SGSM2: variants seen among roughly 807,000 people sequenced by gnomAD.
The protein encoded by SGSM2 is RUN and TBC1 domain containing 1.
A neutral mutation model predicts 126.6 loss-of-function variants in SGSM2; 89 were observed. That is an observed-to-expected ratio of 0.70 (90% confidence interval 0.59 to 0.84). SGSM2 has a LOEUF of 0.84. SGSM2 is among the 40% of genes least tolerant of loss of function. The pLI is 0.00. For synonymous variants in SGSM2, 614 were observed against 574.3 expected (o/e 1.07, Z -0.99); for missense variants, 1,404 against 1,416.6 (o/e 0.99, Z 0.14).
chr17:2,339,421 C>T (rs2064247374), intron 1 of SGSM2, among the ~76,000 whole-genome samples: 1 of 151,800 alleles, frequency 6.6e-6, no homozygotes, highest in African/African-American at 2.4e-5. Context: ...GGCGACAGAG[C>T]AACTCTCCGT....
rs1036967350 is a variant in SGSM2, at chr17:2,371,511, G to C, written c.1577+96G>C. Reference sequence around the variant, plus strand: ...AAGGCCGTGTCACCTGCACGACAGGGTGGCCTCTAGAGTGGGACAGATCTG... The same window carrying C: ...AAGGCCGTGTCACCTGCACGACAGGCTGGCCTCTAGAGTGGGACAGATCTG... On this transcript the variant is annotated intron_variant, in intron 13 of 23. Coordinates refer to ENST00000268989, the MANE Select transcript of SGSM2 (RefSeq NM_014853.3). 2.8e-5 allele frequency: 40 copies of C among 1,435,472 alleles called. No individual in the cohort carries two copies. The African/African-American group carries it at 4.6e-4, about 17-fold the overall frequency. 88.9% of individuals were successfully genotyped at this position (1,435,472 alleles called of 1,614,324 possible).
Position 2,361,744 on chromosome 17 carries a change from G to T in SGSM2, c.241G>T (p.Val81Leu). The part of the protein sequence containing the change: ...LFTKVGKTCP[V>L]AGEICHKVQE... ...CACCAAGGTGGGGAAGACGTGCCCAGTGGCGGGGGAGATTTGCCACAAGGT... is the reference window on the plus strand; with the variant it reads ...CACCAAGGTGGGGAAGACGTGCCCATTGGCGGGGGAGATTTGCCACAAGGT... Residue 81 changes from valine to leucine, a missense_variant, in exon 3 of 24, where the codon GTG becomes TTG. Transcript: ENST00000268989. 6.2e-7 allele frequency: 1 copy of T among 1,613,516 alleles called. No homozygotes were observed. The highest frequency in any genetic ancestry group is 8.5e-7 in the Non-Finnish European group (1 of 1,179,980).
Position 2,367,597 on chromosome 17 carries a change from G to A in SGSM2, c.1423+192G>A, listed in dbSNP as rs2065656564. The stretch of plus-strand genomic sequence containing the variant: ...ACAGGTGCTGGCAAGAAAAGGGGCT[G>A]GCCCAGGGCAGGTGGCTCCAGGCTG... On this transcript the variant is annotated intron_variant, in intron 12 of 23. Transcript: ENST00000268989. The surrounding 1 kb of genome is among the most constrained non-coding windows in gnomAD (Gnocchi z 4.0). Among the ~76,000 whole-genome samples the A allele has an allele frequency of 6.6e-6, 1 of 152,226 alleles. No homozygotes were observed. Among genetic ancestry groups the A allele is most frequent in the South Asian group, 2.1e-4 (1 of 4,830 alleles).
At chr17:2,371,198 G>A in intron 12 of SGSM2, 64 bp from the exon 13 acceptor site, 1 of 1,521,108 alleles carries the variant, frequency 6.6e-7, no homozygotes, top group Non-Finnish European at 8.8e-7. Flanking sequence ...AGGTGGGCAT[G>A]GTGCAGGGTG....
At chr17:2,375,940 G>C in intron 18 of SGSM2, 65 bp downstream of exon 18, 1 of 1,511,718 alleles carries the variant, frequency 6.6e-7, no homozygotes, top group Non-Finnish European at 8.8e-7. Flanking sequence ...CCCAGAGCTG[G>C]GGAAGCGCTG....
At chr17:2,342,387 TCACTC>T (rs900915293) in intron 1 of SGSM2, among the ~76,000 whole-genome samples, 1 of 151,502 alleles carries the variant, frequency 6.6e-6, no homozygotes, top group African/African-American at 2.4e-5. Flanking sequence ...ACGCGCCACT[TCACTC>T]CAGCCTGGGC....
At position 2,357,044 on chromosome 17, in the gene SGSM2, A is replaced by G. The variant is rs925057633; in HGVS notation, c.134-4593A>G. Reference sequence around the variant, plus strand: ...AGGGTTGGGGTGCCCATAGGATTCCATCAGCATCTGTGGTCTCCAGCCGTG... The same window carrying G: ...AGGGTTGGGGTGCCCATAGGATTCCGTCAGCATCTGTGGTCTCCAGCCGTG... On this transcript the variant is annotated intron_variant, in intron 2 of 23. Transcript: ENST00000268989. Among the ~76,000 whole-genome samples the G allele has an allele frequency of 5.9e-4, 90 of 152,074 alleles. 2 individuals are homozygous for G. The highest frequency in any genetic ancestry group is 1.5e-5 in the Non-Finnish European group (1 of 67,974).
At chr17:2,371,182 GCA>G in intron 12 of SGSM2, 78 bp from the exon 13 acceptor site, 2 of 1,449,354 alleles carry the variant, frequency 1.4e-6, no homozygotes. Context: ...GCAGCTCTGG[GCA>G]CAGAGGTGGG....
In SGSM2 at chr17:2,379,161, GACA is replaced by G. The variant is rs765955549; in HGVS notation, c.3032_3034del (p.Asn1011del). The G allele has an allele frequency of 9.9e-6, 16 of 1,614,034 alleles. No individual in the cohort carries two copies. The highest frequency in any genetic ancestry group is 6.6e-5 in the South Asian group (6 of 91,084). On this transcript the variant is annotated inframe_deletion, in exon 23 of 24. Transcript: ENST00000268989. ...GGAGGCCTACCGAGAGATCATCCGT[GACA>G]ACAACATGGACTTCACTGACATCAT...
In SGSM2 at chr17:2,356,984, G is replaced by C. The variant is rs944413291; in HGVS notation, c.134-4653G>C. On this transcript the variant is annotated intron_variant, in intron 2 of 23. Coordinates refer to ENST00000268989, the MANE Select transcript of SGSM2 (RefSeq NM_014853.3). Reference sequence around the variant, plus strand: ...ATTGGGGTGTAAGGGTTAGGGAAGGGACCCCATATCTTAGAATGGTGGAAT... The same window carrying C: ...ATTGGGGTGTAAGGGTTAGGGAAGGCACCCCATATCTTAGAATGGTGGAAT... Among the ~76,000 whole-genome samples the C allele has an allele frequency of 2.2e-4, 34 of 151,746 alleles. 2 individuals carry two copies. The highest frequency in any genetic ancestry group is 7.5e-4 in the African/African-American group (31 of 41,340).
In SGSM2 at chr17:2,375,850, C is replaced by G. The variant is rs61744995; in HGVS notation, c.2459C>G (p.Ala820Gly). 2 of 1,528,950 alleles carry G rather than the reference C, an allele frequency of 1.3e-6. No homozygotes were observed. The highest frequency in any genetic ancestry group is 2.3e-5 in the East Asian group (1 of 44,260). The allele number at this position is 1,528,950 out of a possible 1,614,324, so 94.7% of individuals were successfully genotyped here. The part of the protein sequence containing the change: ...AGELEAGEEL[A>G]AVCAAAYTIE... ...GAACTGGAGGCCGGAGAGGAGCTTG[C>G]GGCTGTGTGTGCGGCTGCCTACACT... The change falls in exon 18 of 24, where the codon GCG (alanine) becomes GGG (glycine). Residue 820 changes from alanine to glycine, a missense_variant. Transcript: ENST00000268989.
rs369455251 is a variant in SGSM2, at chr17:2,352,934, C to CTGT, written c.134-8703_134-8702insTGT. Among the ~76,000 whole-genome samples the CTGT allele has an allele frequency of 2.1e-3, 251 of 120,056 alleles. 2 individuals carry two copies. The highest frequency in any genetic ancestry group is 8.1e-3 in the African/African-American group (239 of 29,356). The allele number at this position is 120,056 out of a possible 152,430, so 78.8% of individuals were successfully genotyped here. A position where few individuals can be genotyped will look rare whatever the true frequency, so the allele number is the denominator to read the frequency against. ...CTGGGACTACAGGCGTCCGCCACCA[C>CTGT]GCCCGGCTAATTTTTTGTATTTTTA... On this transcript the variant is annotated intron_variant, in intron 2 of 23. Transcript: ENST00000268989.
At position 2,379,562 on chromosome 17, in the gene SGSM2, G is replaced by A. The variant is rs771059834; in HGVS notation, c.*42G>A. The A allele has an allele frequency of 8.8e-6, 14 of 1,591,272 alleles. No individual in the cohort carries two copies. In the African/African-American group the frequency reaches 1.1e-4, roughly 12 times the overall value. ...AGCAGCCGTGCAGAGCCTGGGCTCC[G>A]GCAGGGAGAGGTGCAGGGGAGTCAC... is the stretch of plus-strand genomic sequence containing the variant. On this transcript the variant is annotated 3_prime_UTR_variant, in exon 24 of 24. Transcript: ENST00000268989.
Position 2,362,822 on chromosome 17 carries a change from G to C in SGSM2, c.459-16G>C, listed in dbSNP as rs182968354. The C allele has an allele frequency of 4.6e-4, 736 of 1,613,730 alleles. 9 individuals are homozygous for C. The African/African-American group carries it at 9.0e-3, about 20-fold the overall frequency. On this transcript the variant is annotated splice_polypyrimidine_tract_variant and intron_variant, in intron 4 of 23. Coordinates refer to ENST00000268989, the MANE Select transcript of SGSM2 (RefSeq NM_014853.3). This position sits in a 1 kb window ranked among gnomAD's most constrained non-coding sequence, Gnocchi z 4.9. ...GCCCCGGAGCCTCGGCAGTCACACT[G>C]TCTGTCTCCTGGCAGCAAGTACTAC... is the stretch of plus-strand genomic sequence containing the variant.
In SGSM2 at chr17:2,379,920, G is replaced by A. The variant is rs1487486620; in HGVS notation, c.*400G>A. On this transcript the variant is annotated 3_prime_UTR_variant, in exon 24 of 24. Transcript: ENST00000268989. The stretch of plus-strand genomic sequence containing the variant: ...CTACTCAGCTGGGGTGGCAGAGGGC[G>A]AGAGGCTCTGTGCTGTGTCCCTTCT... The A allele has an allele frequency of 1.4e-5, 18 of 1,303,564 alleles. No individual in the cohort carries two copies. Among genetic ancestry groups the A allele is most frequent in the South Asian group, 4.2e-5 (2 of 47,476 alleles). 80.7% of individuals were successfully genotyped at this position (1,303,564 alleles called of 1,614,324 possible).
At chr17:2,359,854 C>A (rs763122859) in intron 2 of SGSM2, among the ~76,000 whole-genome samples, 3 of 152,286 alleles carry the variant, frequency 2.0e-5, no homozygotes, top group Non-Finnish European at 2.9e-5. Context: ...CTTCTCTCCC[C>A]ACTCTGAATG....
Position 2,377,860 on chromosome 17 carries a change from C to T in SGSM2, c.2806C>T (p.Leu936=). Residue 936 remains leucine (L), a synonymous_variant, in exon 22 of 24, where the codon CTG becomes TTG. Coordinates refer to ENST00000268989, the MANE Select transcript of SGSM2 (RefSeq NM_014853.3). ...FANMRSLIQI[L]DSELFELMHQ... ...TCCCTTTTCCCACCCACATAAGATC[C>T]TGGACTCAGAGCTGTTTGAGCTGAT... 1 of 1,606,226 alleles carries T rather than the reference C, an allele frequency of 6.2e-7. No individual in the cohort carries two copies.
intron 2 of SGSM2, among the ~76,000 whole-genome samples, chr17:2,350,147 C>G (rs67427319): frequency 0.32 from 48,126 of 151,460 alleles, 9,058 homozygotes; most frequent in East Asian, 0.56. Context: ...GTCTCAAACT[C>G]CTGACCTCAG....
intron 20 of SGSM2, 47 bp downstream of exon 20, chr17:2,376,862 GGAC>G (rs1186135386): frequency 3.1e-6 from 5 of 1,612,030 alleles, no homozygotes; most frequent in Non-Finnish European, 4.2e-6. Flanking sequence ...GCTGGAGAAA[GGAC>G]GAGAGGGTGG....
Sources: gnomAD v4.1 joint callset for allele counts (sites outside exome capture counted in the v4.1 genomes callset) on GRCh38, gnomAD v4.1.1 for gene constraint, Gnocchi (gnomAD v3.1) non-coding constraint, MANE v1.5 for transcripts, NCBI Gene and HGNC (gene_info 2026-07-23, HGNC 2026-07-21) for gene names.